The following SYF2 variants were observed in gnomAD, a reference collection of about 807,000 sequenced individuals.
SYF2 encodes the protein SYF2 pre-mRNA splicing factor, also known as pre-mRNA-splicing factor SYF2.
In SYF2, 21 loss-of-function variants were observed where a neutral mutation model predicts 32.7. The ratio of observed to expected loss-of-function variants is 0.64; its 90% CI spans 0.45 to 0.92. The LOEUF (loss-of-function observed/expected upper bound fraction) is 0.92, where lower values mean the gene tolerates loss of function less well. Ranked by LOEUF, SYF2 falls within the 40% of genes least tolerant of loss-of-function variation. The pLI is 0.00. For synonymous variants in SYF2, 114 were observed against 103.9 expected (o/e 1.10, Z -0.59); for missense variants, 278 against 296.5 (o/e 0.94, Z 0.46).
chr1:25,229,132 G>GT lies in SYF2; in HGVS notation c.133-10dup. 1.9e-6 allele frequency: 3 copies of GT among 1,608,672 alleles called. No individual in the cohort carries two copies. The highest frequency in any genetic ancestry group is 2.5e-6 in the Non-Finnish European group (3 of 1,178,480). On this transcript the variant is annotated splice_polypyrimidine_tract_variant and intron_variant, in intron 2 of 6. Transcript: ENST00000236273. ...AATTTACGAGCTTCATTCTAAAACC[G>GT]TAACACAAGAAGTCTGTCAGCTAAA...
At chr1:25,227,656 TTC>T (rs1638540070) in intron 4 of SYF2, 124 bp from the exon 5 acceptor site, 1 of 820,378 alleles carries the variant, frequency 1.2e-6, no homozygotes, top group South Asian at 1.9e-5. Context: ...TCGGAAGTGT[TTC>T]TGATTTTTTT....
intron 2 of SYF2, among the ~76,000 whole-genome samples, chr1:25,230,144 G>C (rs1342723300): frequency 6.6e-6 from 1 of 152,012 alleles, no homozygotes; most frequent in Non-Finnish European, 1.5e-5. Context: ...CCTAATTCAA[G>C]AAAAAAGCCT....
In SYF2 at chr1:25,228,193, G is replaced by T. The variant is rs775011355; in HGVS notation, c.301C>A (p.Leu101Met). 6.2e-7 allele frequency: 1 copy of T among 1,613,430 alleles called. No individual in the cohort carries two copies. Among genetic ancestry groups the T allele is most frequent in the Non-Finnish European group, 8.5e-7 (1 of 1,179,926 alleles). Reference sequence around the variant, plus strand: ...TCTGCATCTTCTGCACTGATCTCCAGCAACTTCACTTTCTCATAGTCTTCT... The same window carrying T: ...TCTGCATCTTCTGCACTGATCTCCATCAACTTCACTTTCTCATAGTCTTCT... ...RGEDYEKVKL[L>M]EISAEDAERW... is the part of the protein sequence containing the mutation. Residue 101 changes from leucine to methionine, a missense_variant, in exon 4 of 7, where the codon CTG becomes ATG. Transcript: ENST00000236273.
intron 4 of SYF2, 21 bp downstream of exon 4, chr1:25,228,097 T>A: frequency 6.3e-7 from 1 of 1,586,674 alleles, no homozygotes; most frequent in Non-Finnish European, 8.7e-7. Flanking sequence ...GTCAATAAGG[T>A]TCAATAAAGG....
chr1:25,232,160 C>T lies in SYF2; in HGVS notation c.76G>A (p.Ala26Thr). The T allele has an allele frequency of 6.2e-7, 1 of 1,613,884 alleles. No homozygotes were observed. Among genetic ancestry groups the T allele is most frequent in the Non-Finnish European group, 8.5e-7 (1 of 1,179,988 alleles). The stretch of plus-strand genomic sequence containing the variant: ...AGTCTCTGTTCGCGCTTCTGAGCGG[C>T]CAGCTCCGCCGCCGCAGCGAGGGAC... ...EGSLAAAAEL[A>T]AQKREQRLRK... The change falls in exon 2 of 7, where the codon GCC becomes ACC. Residue 26 changes from alanine (A) to threonine (T), a missense_variant. Ala to Thr is a moderately conservative substitution (Grantham distance 58). Transcript: ENST00000236273.
intron 2 of SYF2, among the ~76,000 whole-genome samples, chr1:25,229,774 C>CAAAA (rs1396260741): frequency 1.1e-5 from 1 of 87,534 alleles, no homozygotes; most frequent in Non-Finnish European, 2.4e-5. Context: ...GACTCCATCT[C>CAAAA]AAAAAAAAAA....
intron 2 of SYF2, among the ~76,000 whole-genome samples, chr1:25,229,580 G>A (rs1199090977): frequency 2.0e-5 from 3 of 152,022 alleles, no homozygotes; most frequent in Non-Finnish European, 2.9e-5. Flanking sequence ...TTCAAGACCA[G>A]GCTGGCCAAC....
At chr1:25,230,970 C>A (rs985223120) in intron 2 of SYF2, 2 of 152,188 alleles carry the variant, frequency 1.3e-5, no homozygotes, top group African/African-American at 4.8e-5. Flanking sequence ...GCACGCCCGG[C>A]TAATTTTTTC....
At chr1:25,224,207 T>C (rs934045009) in intron 6 of SYF2, among the ~76,000 whole-genome samples, 3 of 151,922 alleles carry the variant, frequency 2.0e-5, no homozygotes, top group African/African-American at 4.8e-5. Flanking sequence ...AAAAAAAAAT[T>C]ATATTAAATA....
At chr1:25,228,075 A>T (rs752677446) in intron 4 of SYF2, 43 bp downstream of exon 4, 4 of 1,489,256 alleles carry the variant, frequency 2.7e-6, no homozygotes, top group Non-Finnish European at 3.7e-6. Context: ...GAAGGAAATG[A>T]CTAACAGCCC....
In SYF2 at chr1:25,224,894, A is replaced by C. The variant is rs192834561; in HGVS notation, c.566+108T>G. On this transcript the variant is annotated intron_variant, in intron 6 of 6. Coordinates refer to ENST00000236273, the MANE Select transcript of SYF2 (RefSeq NM_015484.5). ...AAAAATTAGCAAGTATAACTGTACAATTTCTATCTTTTGAATTCATTCTAA... is the reference window on the plus strand; with the variant it reads ...AAAAATTAGCAAGTATAACTGTACACTTTCTATCTTTTGAATTCATTCTAA... 1.5e-5 allele frequency: 13 copies of C among 860,640 alleles called. No individual in the cohort carries two copies. In the African/African-American group the frequency reaches 1.7e-4, roughly 11 times the overall value. The allele number at this position is 860,640 out of a possible 1,614,324, so 53.3% of individuals were successfully genotyped here.
chr1:25,227,357 T>TA, intron 5 of SYF2, 85 bp downstream of exon 5: 1 of 1,103,656 alleles, frequency 9.1e-7, no homozygotes, highest in South Asian at 1.4e-5. Context: ...ACCTTAGCAT[T>TA]AAAGCATGTT....
rs1638569346 is a variant in SYF2 at position 25,228,847 on chromosome 1, C to T, written c.258+151G>A. On this transcript the variant is annotated intron_variant, in intron 3 of 6. Coordinates refer to ENST00000236273, the MANE Select transcript of SYF2 (RefSeq NM_015484.5). ...GGTACAGAGAAGTTAAATAAACTCA[C>T]CCAACGTGTTGCAGTTGGTACTGAG... 4 of 745,562 alleles carry T rather than the reference C, an allele frequency of 5.4e-6. No individual in the cohort carries two copies. In the South Asian group the frequency reaches 9.1e-5, roughly 17 times the overall value. 46.2% of individuals were successfully genotyped at this position (745,562 alleles called of 1,614,324 possible). A position where few individuals can be genotyped will look rare whatever the true frequency, so the allele number is the denominator to read the frequency against.
chr1:25,224,739 GATC>G (rs1638472652), intron 6 of SYF2, among the ~76,000 whole-genome samples: 1 of 152,024 alleles, frequency 6.6e-6, no homozygotes, highest in Non-Finnish European at 1.5e-5. Context: ...CTTAAAGAAG[GATC>G]ATTTTTTTTA....
intron 6 of SYF2, among the ~76,000 whole-genome samples, chr1:25,223,713 G>A (rs1307439275): frequency 6.6e-6 from 1 of 152,128 alleles, no homozygotes; most frequent in Non-Finnish European, 1.5e-5. Flanking sequence ...TATTGGCTGG[G>A]CATGGCGGCT....
intron 6 of SYF2, among the ~76,000 whole-genome samples, chr1:25,224,393 C>G (rs1638466937): frequency 1.3e-5 from 2 of 152,024 alleles, no homozygotes; most frequent in African/African-American, 4.8e-5. Flanking sequence ...GTAGCTAGGA[C>G]TACAGGCACG....
chr1:25,228,149 CT>C lies in SYF2; in HGVS notation c.344del (p.Lys115ArgfsTer24). 2 of 1,613,980 alleles carry C rather than the reference CT, an allele frequency of 1.2e-6. No individual in the cohort carries two copies. Among genetic ancestry groups the C allele is most frequent in the Middle Eastern group, 1.6e-4 (1 of 6,062 alleles). On this transcript the variant is annotated frameshift_variant, in exon 4 of 7. Transcript: ENST00000236273. LOFTEE classifies it high-confidence loss of function. ...ATCCCAGATCAGGGTTTTTCCTCTT[CT>C]TTTTCCTCTCCCATCTTTCTGCATC... is the stretch of plus-strand genomic sequence containing the variant. ...AEDAERWERK[K>X]KRKNPDLGFS...
intron 3 of SYF2, 130 bp from the exon 4 acceptor site, chr1:25,228,365 C>CA: frequency 1.3e-6 from 1 of 797,304 alleles, no homozygotes; most frequent in South Asian, 1.8e-5. Flanking sequence ...GAGTTTCACT[C>CA]ACTCTGTCAC....
chr1:25,224,880 A>G, intron 6 of SYF2, 122 bp downstream of exon 6: 1 of 752,478 alleles, frequency 1.3e-6, no homozygotes, highest in Non-Finnish European at 2.2e-6. Context: ...AAAATTAGCA[A>G]GTATAACTGT....
Sources: gnomAD v4.1 joint callset for allele counts (sites outside exome capture counted in the v4.1 genomes callset) on GRCh38, gnomAD v4.1.1 for gene constraint, MANE v1.5 for transcripts, NCBI Gene and HGNC (gene_info 2026-07-23, HGNC 2026-07-21) for gene names.